Variants in MLLT10 observed in about 807,000 individuals in gnomAD.
MLLT10 encodes the protein MLLT10 histone lysine methyltransferase DOT1L cofactor.
In MLLT10, 30 loss-of-function variants were observed where a neutral mutation model predicts 129.1. That is an observed-to-expected ratio of 0.23 (90% CI 0.17 to 0.32). The LOEUF (loss-of-function observed/expected upper bound fraction) is 0.32. MLLT10 is among the 10% of genes least tolerant of loss of function. MLLT10 has a pLI of 1.00. For missense variants in MLLT10, 1,119 were observed against 1,268.3 expected (o/e 0.88, Z 1.79); for synonymous variants, 490 against 446.4 (o/e 1.10, Z -1.23).
chr10:21,585,241 T>C (rs2041886684), intron 3 of MLLT10, among the ~76,000 whole-genome samples: 1 of 152,068 alleles, frequency 6.6e-6, no homozygotes, highest in Non-Finnish European at 1.5e-5. Context: ...CTATATAGTA[T>C]GCTGCAAAAC....
intron 8 of MLLT10, among the ~76,000 whole-genome samples, chr10:21,650,303 A>G (rs962156997): frequency 6.6e-6 from 1 of 152,152 alleles, no homozygotes; most frequent in African/African-American, 2.4e-5. Flanking sequence ...GTGAGCTGTG[A>G]TCGTACCACT....
At chr10:21,731,189 A>G in intron 17 of MLLT10, 135 bp downstream of exon 17, 1 of 829,096 alleles carries the variant, frequency 1.2e-6, no homozygotes, top group Non-Finnish European at 1.8e-6. Flanking sequence ...ACAGTGAGAG[A>G]AAGTATAAGG....
At chr10:21,551,748 T>G in intron 3 of MLLT10, 1 of 404,958 alleles carries the variant, frequency 2.5e-6, no homozygotes, top group South Asian at 1.8e-5. Context: ...TGTTTTTGTG[T>G]TTAGACTTTT....
At chr10:21,708,031 T>C (rs2055698225) in intron 13 of MLLT10, among the ~76,000 whole-genome samples, 2 of 152,206 alleles carry the variant, frequency 1.3e-5, no homozygotes, top group Non-Finnish European at 2.9e-5. Flanking sequence ...GGAATTTATA[T>C]TCATGTATTT....
intron 13 of MLLT10, among the ~76,000 whole-genome samples, chr10:21,711,724 G>T (rs1003794820): frequency 6.6e-6 from 1 of 152,164 alleles, no homozygotes; most frequent in Admixed American, 6.5e-5. Context: ...CAGCATAGGT[G>T]AGAGAGACTC....
chr10:21,720,479 A>T (rs147344984), intron 14 of MLLT10, among the ~76,000 whole-genome samples: 1 of 152,230 alleles, frequency 6.6e-6, no homozygotes, highest in Non-Finnish European at 1.5e-5. Flanking sequence ...GAACCTTTCA[A>T]TTGTTCCCTA....
At chr10:21,625,396 C>T in intron 8 of MLLT10, 5 of 804,282 alleles carry the variant, frequency 6.2e-6, no homozygotes, top group Non-Finnish European at 8.7e-6. Flanking sequence ...ATGACTTTTC[C>T]AATATTTCGT....
At chr10:21,676,285 C>T (rs764812873) in intron 11 of MLLT10, among the ~76,000 whole-genome samples, 1 of 151,826 alleles carries the variant, frequency 6.6e-6, no homozygotes, top group African/African-American at 2.4e-5. Context: ...GGCATGGTGG[C>T]GGGTGCCTGT....
intron 19 of MLLT10, 41 bp from the exon 20 acceptor site, chr10:21,733,727 T>TA: frequency 6.4e-7 from 1 of 1,562,958 alleles, no homozygotes; most frequent in Non-Finnish European, 8.6e-7. Flanking sequence ...CGCTGGGACT[T>TA]AATGTCCAGT....
At chr10:21,651,033 G>GT (rs1564578290) in intron 8 of MLLT10, among the ~76,000 whole-genome samples, 1 of 133,062 alleles carries the variant, frequency 7.5e-6, no homozygotes, top group African/African-American at 2.8e-5. Flanking sequence ...AGTATTTGGT[G>GT]GTTGTGTTGT....
In MLLT10 at chr10:21,735,240, GTTCT is replaced by G; in HGVS notation, c.2955+12_2955+15del. ...AATTCTCAACAGCTCACACCAGTAA[GTTCT>G]TTCTTTTGATAATATCTTATTAGGA... On this transcript the variant is annotated splice_donor_region_variant and intron_variant, in intron 21 of 22. Transcript: ENST00000307729. The G allele has an allele frequency of 3.7e-6, 6 of 1,601,158 alleles. No individual in the cohort carries two copies. Among genetic ancestry groups the G allele is most frequent in the African/African-American group, 1.3e-5 (1 of 74,760 alleles).
intron 18 of MLLT10, among the ~76,000 whole-genome samples, 172 bp downstream of exon 18, chr10:21,733,259 TTC>T (rs2058095621): frequency 6.6e-6 from 1 of 152,212 alleles, no homozygotes; most frequent in African/African-American, 2.4e-5. Context: ...GAATTTAACT[TTC>T]TTAGTCCATA....
At chr10:21,542,054 A>G (rs1170041654) in intron 3 of MLLT10, among the ~76,000 whole-genome samples, 1 of 152,182 alleles carries the variant, frequency 6.6e-6, no homozygotes, top group African/African-American at 2.4e-5. Context: ...ATTAGTAAAC[A>G]CTGACAATGA....
intron 8 of MLLT10, chr10:21,625,740 T>C: frequency 1.3e-6 from 1 of 768,716 alleles, no homozygotes. Context: ...CTCCATGTTG[T>C]TTACCAGGGC....
At chr10:21,639,753 C>A (rs950332312) in intron 8 of MLLT10, among the ~76,000 whole-genome samples, 4 of 152,112 alleles carry the variant, frequency 2.6e-5, no homozygotes, top group African/African-American at 9.7e-5. Flanking sequence ...GCATTATTTT[C>A]TTCTGGGTAT....
chr10:21,668,299 C>T (rs2131368122), intron 9 of MLLT10, among the ~76,000 whole-genome samples: 1 of 152,190 alleles, frequency 6.6e-6, no homozygotes, highest in South Asian at 2.1e-4. Context: ...CTCCCACCTC[C>T]TTCTGGTCTC....
chr10:21,601,593 T>G (rs554440497), intron 5 of MLLT10, among the ~76,000 whole-genome samples: 1 of 152,202 alleles, frequency 6.6e-6, no homozygotes, highest in Non-Finnish European at 1.5e-5. Context: ...TGGACAGTTA[T>G]GTCTCACGAT....
At chr10:21,547,740 T>C (rs963625445) in intron 3 of MLLT10, among the ~76,000 whole-genome samples, 2 of 152,148 alleles carry the variant, frequency 1.3e-5, no homozygotes, top group Non-Finnish European at 2.9e-5. Context: ...GGTTTCACCA[T>C]GTTGGCCAGG....
intron 5 of MLLT10, among the ~76,000 whole-genome samples, chr10:21,597,273 T>G (rs2043112501): frequency 1.3e-5 from 2 of 152,224 alleles, no homozygotes; most frequent in African/African-American, 4.8e-5. Context: ...GATACATTAT[T>G]ACTCTCTGAT....
Sources: gnomAD v4.1 joint callset for allele counts (sites outside exome capture counted in the v4.1 genomes callset) on GRCh38, gnomAD v4.1.1 for gene constraint, MANE v1.5 for transcripts, NCBI Gene and HGNC (gene_info 2026-07-23, HGNC 2026-07-21) for gene names.